PDGFD: variants seen among roughly 807,000 people sequenced by gnomAD.
PDGFD encodes the protein platelet derived growth factor D.
Under a neutral mutation model 44.7 loss-of-function variants are expected in PDGFD, and 30 were observed. That is an observed-to-expected ratio of 0.67 (90% confidence interval 0.50 to 0.91). The LOEUF is 0.91. Among genes scored for constraint, PDGFD ranks in the 40% least tolerant of loss-of-function variants. The pLI is 0.00. For missense variants in PDGFD, 445 were observed against 457.8 expected, an observed-to-expected ratio of 0.97 and a Z score of 0.25; for synonymous variants, 173 against 168.4, an observed-to-expected ratio of 1.03 and a Z score of -0.21.
chr11:104,054,866 A>C (rs1229220737), intron 1 of PDGFD, among the ~76,000 whole-genome samples: 1 of 152,180 alleles, frequency 6.6e-6, no homozygotes, highest in Non-Finnish European at 1.5e-5. Context: ...GGAGAGGAGG[A>C]GATACAAACC....
chr11:104,062,638 A>G (rs1162824425), intron 1 of PDGFD, among the ~76,000 whole-genome samples: 1 of 152,234 alleles, frequency 6.6e-6, no homozygotes, highest in Non-Finnish European at 1.5e-5. Flanking sequence ...ACCAAATGAG[A>G]ACTGACATAC....
intron 1 of PDGFD, among the ~76,000 whole-genome samples, chr11:104,064,291 C>G (rs1482992685): frequency 6.6e-6 from 1 of 152,198 alleles, no homozygotes; most frequent in Non-Finnish European, 1.5e-5. Context: ...TATACATCGA[C>G]TGGGCTTACA....
chr11:103,987,685 G>A (rs1214868747), intron 3 of PDGFD, among the ~76,000 whole-genome samples: 1 of 152,072 alleles, frequency 6.6e-6, no homozygotes, highest in Admixed American at 6.6e-5. Context: ...TTGGCTTCTT[G>A]TATCTTTTGC....
At chr11:103,940,021 A>G (rs1487913) in intron 5 of PDGFD, among the ~76,000 whole-genome samples, 3,890 of 152,152 alleles carry the variant, frequency 0.026, 175 homozygotes, top group African/African-American at 0.089. Context: ...TATTGCGTTG[A>G]CATCCTGGTT....
At chr11:104,022,864 G>A (rs1319616129) in intron 1 of PDGFD, among the ~76,000 whole-genome samples, 1 of 151,802 alleles carries the variant, frequency 6.6e-6, no homozygotes, top group East Asian at 1.9e-4. Flanking sequence ...TATTTTTGCT[G>A]GTAAAGTTTC....
intron 1 of PDGFD, among the ~76,000 whole-genome samples, chr11:104,018,838 T>G (rs983429410): frequency 2.0e-5 from 3 of 152,246 alleles, no homozygotes; most frequent in African/African-American, 7.2e-5. Context: ...TATTGTGTAG[T>G]ATTAATGCTG....
intron 1 of PDGFD, among the ~76,000 whole-genome samples, chr11:104,071,476 G>A (rs1860876743): frequency 6.6e-6 from 1 of 150,612 alleles, no homozygotes; most frequent in African/African-American, 2.4e-5. Context: ...ATGCTTGTTG[G>A]CCATATTTTT....
chr11:103,985,125 T>A (rs1228508473), intron 3 of PDGFD, among the ~76,000 whole-genome samples: 1 of 138,414 alleles, frequency 7.2e-6, no homozygotes, highest in Non-Finnish European at 1.5e-5. Context: ...TATAATATAT[T>A]AATTTATTTA....
At chr11:104,102,780 G>A (rs967367062) in intron 1 of PDGFD, among the ~76,000 whole-genome samples, 4 of 152,126 alleles carry the variant, frequency 2.6e-5, no homozygotes, top group African/African-American at 9.7e-5. Flanking sequence ...CCTTTGTAGG[G>A]ACATGGATGA....
chr11:104,156,558 C>T (rs148702274), intron 1 of PDGFD, among the ~76,000 whole-genome samples: 1 of 151,960 alleles, frequency 6.6e-6, no homozygotes, highest in African/African-American at 2.4e-5. Context: ...AGCTCCCATG[C>T]CTGGGCTATG....
At chr11:103,914,388 G>T (rs1858080718) in intron 6 of PDGFD, among the ~76,000 whole-genome samples, 1 of 152,122 alleles carries the variant, frequency 6.6e-6, no homozygotes, top group South Asian at 2.1e-4. Flanking sequence ...ACCCTCTCAA[G>T]ACTAAACCAG....
In PDGFD at chr11:104,000,080, T is replaced by A. The variant is rs1278819085; in HGVS notation, c.300A>T (p.Gly100=). Residue 100 remains glycine (G), a synonymous_variant, in exon 2 of 7, where the codon GGA becomes GGT. Transcript: ENST00000393158. ...RIQLVFDNQF[G]LEEAENDICR... is the part of the protein sequence containing the mutation. The stretch of plus-strand genomic sequence containing the variant: ...AGATATCATTTTCTGCTTCCTCTAA[T>A]CCAAACTGATTGTCAAACACTAGCT... 2 of 1,614,136 alleles carry A rather than the reference T, an allele frequency of 1.2e-6. No homozygotes were observed. Among genetic ancestry groups the A allele is most frequent in the Admixed American group, 3.3e-5 (2 of 60,028 alleles).
At chr11:104,037,830 G>C (rs1860278236) in intron 1 of PDGFD, 12 of 1,614,034 alleles carry the variant, frequency 7.4e-6, no homozygotes, top group African/African-American at 1.3e-5. Flanking sequence ...ATATGCTCCG[G>C]AGACATCAAT....
intron 3 of PDGFD, among the ~76,000 whole-genome samples, chr11:103,972,517 C>A (rs1009586925): frequency 3.3e-5 from 5 of 152,216 alleles, no homozygotes; most frequent in African/African-American, 1.2e-4. Context: ...TTGCTGGAAA[C>A]GTTAGCCAGT....
chr11:104,112,352 T>C (rs1479276295), intron 1 of PDGFD, among the ~76,000 whole-genome samples: 4 of 152,100 alleles, frequency 2.6e-5, no homozygotes. Flanking sequence ...TGTCTATTCA[T>C]GTCCTTTGCC....
chr11:103,981,298 G>C (rs1212300168), intron 3 of PDGFD, among the ~76,000 whole-genome samples: 2 of 151,526 alleles, frequency 1.3e-5, no homozygotes, highest in Non-Finnish European at 2.9e-5. Flanking sequence ...AGGCCTAGAA[G>C]ACCCTCACCA....
chr11:104,084,624 CATATATA>C (rs974238035), intron 1 of PDGFD, among the ~76,000 whole-genome samples: 40 of 145,700 alleles, frequency 2.7e-4, no homozygotes, highest in African/African-American at 8.5e-4. Context: ...TATAAATATA[CATATATA>C]ATATATAATA....
rs11827765 is a variant in PDGFD, at chr11:103,970,205, T to C, written c.511-22481A>G. Reference sequence around the variant, plus strand: ...ACATCCTCTTTGAGTTGAGAGAACATATAAATTAGTGAAAAAAATTCTCTA... The same window carrying C: ...ACATCCTCTTTGAGTTGAGAGAACACATAAATTAGTGAAAAAAATTCTCTA... On this transcript the variant is annotated intron_variant, in intron 3 of 6. Coordinates refer to ENST00000393158, the MANE Select transcript of PDGFD (RefSeq NM_025208.5). Among the ~76,000 whole-genome samples the C allele has an allele frequency of 1.6e-3, 251 of 152,196 alleles. 1 individual carries two copies. The highest frequency in any genetic ancestry group is 5.8e-3 in the African/African-American group (243 of 41,554).
At chr11:103,944,939 C>A (rs139861861) in intron 4 of PDGFD, among the ~76,000 whole-genome samples, 2 of 152,168 alleles carry the variant, frequency 1.3e-5, no homozygotes, top group Admixed American at 6.6e-5. Context: ...ATGTGTCAGG[C>A]CAGCTCCATT....
Sources: gnomAD v4.1 joint callset for allele counts (sites outside exome capture counted in the v4.1 genomes callset) on GRCh38, gnomAD v4.1.1 for gene constraint, MANE v1.5 for transcripts, NCBI Gene and HGNC (gene_info 2026-07-23, HGNC 2026-07-21) for gene names.